Variants in ABHD2 observed in about 807,000 individuals in gnomAD.
The protein encoded by ABHD2 is abhydrolase domain containing 2, acylglycerol lipase.
ABHD2 carries 20 observed loss-of-function variants against 48.1 expected under a neutral mutation model. That is an observed-to-expected ratio of 0.42 (90% CI 0.29 to 0.60). The LOEUF is 0.60. ABHD2 is among the 20% of genes least tolerant of loss of function. The pLI is 0.24. For synonymous variants in ABHD2, 209 were observed against 214.2 expected, an observed-to-expected ratio of 0.98 and a Z score of 0.21; for missense variants, 405 against 550.9, an observed-to-expected ratio of 0.74 and a Z score of 2.65.
intron 1 of ABHD2, among the ~76,000 whole-genome samples, chr15:89,110,533 A>G (rs1033155): frequency 0.35 from 52,674 of 151,894 alleles, 9,877 homozygotes; most frequent in Non-Finnish European, 0.44. Context: ...TCTAAAGTAC[A>G]GATAGCCTTA....
intron 3 of ABHD2, among the ~76,000 whole-genome samples, chr15:89,126,561 C>G (rs1476958048): frequency 2.0e-5 from 3 of 152,222 alleles, no homozygotes; most frequent in Non-Finnish European, 4.4e-5. Context: ...TTTTCTCTGC[C>G]TGCTTCTCAG....
intron 3 of ABHD2, among the ~76,000 whole-genome samples, chr15:89,123,090 C>T (rs767153765): frequency 1.1e-4 from 17 of 152,206 alleles, no homozygotes; most frequent in East Asian, 3.8e-4. Flanking sequence ...TTATTGTTCT[C>T]TGTGGATTTG....
At chr15:89,118,854 A>G (rs1423226916) in intron 3 of ABHD2, among the ~76,000 whole-genome samples, 1 of 152,104 alleles carries the variant, frequency 6.6e-6, no homozygotes, top group Non-Finnish European at 1.5e-5. Flanking sequence ...ATTAAGCCCA[A>G]CAGTTTCTCT....
intron 3 of ABHD2, among the ~76,000 whole-genome samples, chr15:89,118,075 C>G (rs2049989811): frequency 6.6e-6 from 1 of 152,126 alleles, no homozygotes; most frequent in African/African-American, 2.4e-5. Flanking sequence ...ACATGGTGTT[C>G]TTATATGCAG....
the ABHD2 span, among the ~76,000 whole-genome samples, chr15:89,073,398 C>T: frequency 4.1e-4 from 63 of 152,210 alleles, 1 homozygote; most frequent in East Asian, 0.011. Context: ...TAGGTTCAAG[C>T]GATTCTCCTG....
In ABHD2 at chr15:89,170,080, CTTTTTTTTTTTTTTTTTTTTT is replaced by C. The variant is rs748983183; in HGVS notation, c.539-5719_539-5699del. On this transcript the variant is annotated intron_variant, in intron 5 of 10. Coordinates refer to ENST00000352732, the MANE Select transcript of ABHD2 (RefSeq NM_152924.5). ...GAGCCATTCCATGTCAGATCAGATT[CTTTTTTTTTTTTTTTTTTTTT>C]TTTTTTTTTTTTGGAGACGGGGTCT... is the stretch of plus-strand genomic sequence containing the variant. Among the ~76,000 whole-genome samples the C allele has an allele frequency of 9.1e-3, 340 of 37,540 alleles. 7 individuals carry two copies. Among genetic ancestry groups the C allele is most frequent in the African/African-American group, 0.024 (322 of 13,280 alleles). 24.6% of individuals were successfully genotyped at this position (37,540 alleles called of 152,430 possible).
intron 4 of ABHD2, among the ~76,000 whole-genome samples, chr15:89,153,240 C>T (rs1420734078): frequency 4.6e-5 from 7 of 152,302 alleles, no homozygotes; most frequent in African/African-American, 7.2e-5. Context: ...CTTCTACTCT[C>T]GAAACCTATT....
the ABHD2 span, among the ~76,000 whole-genome samples, chr15:89,074,735 A>G: frequency 6.6e-6 from 1 of 152,140 alleles, no homozygotes; most frequent in Non-Finnish European, 1.5e-5. Context: ...CCCAACAAAG[A>G]AAAGAACCTA....
the ABHD2 span, among the ~76,000 whole-genome samples, chr15:89,045,695 T>G: frequency 2.0e-5 from 3 of 152,262 alleles, no homozygotes; most frequent in African/African-American, 7.2e-5. Context: ...GATTTGGCTC[T>G]CTGTCTGTTG....
chr15:89,078,456 A>G, the ABHD2 span, among the ~76,000 whole-genome samples: 2 of 152,234 alleles, frequency 1.3e-5, no homozygotes. Flanking sequence ...GCTCCTAAAC[A>G]GATCGTTGCA....
At chr15:89,132,274 T>C (rs1333760625) in intron 3 of ABHD2, among the ~76,000 whole-genome samples, 1 of 152,154 alleles carries the variant, frequency 6.6e-6, no homozygotes, top group African/African-American at 2.4e-5. Context: ...AAGGGGGTCC[T>C]AATAATAAGA....
At chr15:89,127,023 T>C (rs541080841) in intron 3 of ABHD2, among the ~76,000 whole-genome samples, 19 of 152,296 alleles carry the variant, frequency 1.2e-4, no homozygotes, top group African/African-American at 4.1e-4. Context: ...TTATGCATGA[T>C]TGGATGAGAT....
At position 89,177,870 on chromosome 15, in the gene ABHD2, A is replaced by G. The variant is rs748542386; in HGVS notation, c.722+1875A>G. 2.0e-5 allele frequency among the ~76,000 whole-genome samples: 3 copies of G among 152,130 alleles called. No individual in the cohort carries two copies. Among genetic ancestry groups the G allele is most frequent in the African/African-American group, 4.8e-5 (2 of 41,438 alleles). Reference sequence around the variant, plus strand: ...GTTTGTTTTGTTTTCTTTTTTTTCAATGCACAAAATCTTAACACGACAATC... The same window carrying G: ...GTTTGTTTTGTTTTCTTTTTTTTCAGTGCACAAAATCTTAACACGACAATC... On this transcript the variant is annotated intron_variant, in intron 6 of 10. Transcript: ENST00000352732. This position sits in a 1 kb window ranked among gnomAD's most constrained non-coding sequence, Gnocchi z 5.6.
In ABHD2 at chr15:89,097,655, T is replaced by C. The variant is rs1220669077; in HGVS notation, c.-107+9092T>C. 1.3e-5 allele frequency among the ~76,000 whole-genome samples: 2 copies of C among 152,232 alleles called. No homozygotes were observed. Among genetic ancestry groups the C allele is most frequent in the African/African-American group, 2.4e-5 (1 of 41,460 alleles). ...TTACTTTTGACAGATAACGCATTCA[T>C]GTGTTATAACATTCAAAAGGTACAA... On this transcript the variant is annotated intron_variant, in intron 1 of 10. Transcript: ENST00000352732. This position sits in a 1 kb window ranked among gnomAD's most constrained non-coding sequence, Gnocchi z 4.2.
At position 89,151,611 on chromosome 15, in the gene ABHD2, A is replaced by G. The variant is rs1164297681; in HGVS notation, c.195-66A>G. The G allele has an allele frequency of 4.6e-6, 7 of 1,531,160 alleles. No homozygotes were observed. The African/African-American group carries it at 8.3e-5, about 18-fold the overall frequency. The allele number at this position is 1,531,160 out of a possible 1,614,324, so 94.8% of individuals were successfully genotyped here. A position where few individuals can be genotyped will look rare whatever the true frequency, so the allele number is the denominator to read the frequency against. On this transcript the variant is annotated intron_variant, in intron 3 of 10. Transcript: ENST00000352732. The surrounding 1 kb of genome is among the most constrained non-coding windows in gnomAD (Gnocchi z 4.7). ...AAAAATAGGTTGAAAGAGTTTTGCT[A>G]AAAGATTTTTCAGAACGTTGCTCAA...
the ABHD2 span, among the ~76,000 whole-genome samples, chr15:89,052,979 T>C: frequency 6.6e-6 from 1 of 151,396 alleles, no homozygotes; most frequent in Non-Finnish European, 1.5e-5. Context: ...CTTTTTTTTT[T>C]TTTTTTGAGA....
intron 5 of ABHD2, among the ~76,000 whole-genome samples, chr15:89,161,040 A>T (rs1356861257): frequency 6.6e-6 from 1 of 152,150 alleles, no homozygotes; most frequent in Non-Finnish European, 1.5e-5. Context: ...ATTTCTACCT[A>T]AAAGAACTCC....
At chr15:89,154,743 A>T (rs1330133803) in intron 4 of ABHD2, among the ~76,000 whole-genome samples, 1 of 152,226 alleles carries the variant, frequency 6.6e-6, no homozygotes, top group Non-Finnish European at 1.5e-5. Flanking sequence ...ATAATATTTC[A>T]TCACTTAGAT....
intron 10 of ABHD2, among the ~76,000 whole-genome samples, chr15:89,194,758 A>T (rs558337094): frequency 8.5e-5 from 13 of 152,322 alleles, no homozygotes; most frequent in Middle Eastern, 3.4e-3. Flanking sequence ...CCGCATTTTA[A>T]TAAGATATCC....
Sources: allele counts gnomAD v4.1 joint callset (sites outside exome capture counted in the v4.1 genomes callset), GRCh38; gene constraint gnomAD v4.1.1; non-coding constraint Gnocchi (gnomAD v3.1); transcripts MANE v1.5; gene names NCBI Gene and HGNC (gene_info 2026-07-23, HGNC 2026-07-21).